The following CAP2 variants were observed in gnomAD, a reference collection of about 807,000 sequenced individuals.
The protein encoded by CAP2 is adenylyl cyclase-associated protein 2.
Under a neutral mutation model 57.7 loss-of-function variants are expected in CAP2, and 24 were observed. The ratio of observed to expected loss-of-function variants is 0.42; its 90% CI spans 0.30 to 0.58. The LOEUF (loss-of-function observed/expected upper bound fraction) is 0.58. Ranked by LOEUF, CAP2 falls within the 20% of genes least tolerant of loss-of-function variation. The probability of loss-of-function intolerance (pLI) is 0.22; values close to 1 mark genes in which losing one functional copy is unlikely to be tolerated. For synonymous variants in CAP2, 194 were observed against 207.2 expected (o/e 0.94, Z 0.55); for missense variants, 501 against 590.3 (o/e 0.85, Z 1.57).
intron 1 of CAP2, among the ~76,000 whole-genome samples, chr6:17,417,500 C>T (rs1284140176): frequency 6.6e-6 from 1 of 152,056 alleles, no homozygotes; most frequent in Non-Finnish European, 1.5e-5. Flanking sequence ...GTCTAGAACT[C>T]TTGGGATCCA....
At chr6:17,480,347 C>T (rs1422815870) in intron 4 of CAP2, among the ~76,000 whole-genome samples, 1 of 152,208 alleles carries the variant, frequency 6.6e-6, no homozygotes, top group African/African-American at 2.4e-5. Context: ...GTCCATCCTT[C>T]TCTTCCTAAT....
At chr6:17,445,526 G>A (rs769221885) in intron 3 of CAP2, among the ~76,000 whole-genome samples, 22 of 152,164 alleles carry the variant, frequency 1.4e-4, no homozygotes, top group Non-Finnish European at 2.4e-4. Context: ...GATAGCGATC[G>A]GGCAAGAAAT....
At chr6:17,453,548 C>G (rs920652634) in intron 3 of CAP2, among the ~76,000 whole-genome samples, 1 of 152,188 alleles carries the variant, frequency 6.6e-6, no homozygotes, top group African/African-American at 2.4e-5. Context: ...GAATCCTTAT[C>G]AAACGGTTAA....
At chr6:17,486,671 C>A (rs981865982) in intron 4 of CAP2, among the ~76,000 whole-genome samples, 1 of 152,070 alleles carries the variant, frequency 6.6e-6, no homozygotes, top group Non-Finnish European at 1.5e-5. Context: ...ATAAGACAAT[C>A]GAGATTATTC....
chr6:17,428,656 G>A (rs1023931519), intron 3 of CAP2, among the ~76,000 whole-genome samples: 1 of 150,924 alleles, frequency 6.6e-6, no homozygotes, highest in African/African-American at 2.4e-5. Context: ...GATAGCATTG[G>A]GAGATATACC....
At chr6:17,475,263 A>G (rs1340735341) in intron 4 of CAP2, among the ~76,000 whole-genome samples, 1 of 151,844 alleles carries the variant, frequency 6.6e-6, no homozygotes, top group African/African-American at 2.4e-5. Context: ...GAACTGAGTG[A>G]AGGAGGGACA....
intron 3 of CAP2, among the ~76,000 whole-genome samples, chr6:17,430,933 A>G (rs1043193532): frequency 5.9e-5 from 9 of 152,216 alleles, no homozygotes; most frequent in African/African-American, 2.2e-4. Context: ...AATAGGAAGC[A>G]ACTGCAAATC....
At chr6:17,511,449 TC>T (rs530491392) in intron 6 of CAP2, among the ~76,000 whole-genome samples, 1,938 of 152,144 alleles carry the variant, frequency 0.013, 23 homozygotes, top group Middle Eastern at 0.02. Context: ...GCTGTTTTTC[TC>T]TTTCTTTTTT....
intron 1 of CAP2, among the ~76,000 whole-genome samples, chr6:17,394,018 G>A (rs1758607707): frequency 6.7e-6 from 1 of 149,448 alleles, no homozygotes; most frequent in African/African-American, 2.4e-5. Context: ...CCCCAGCTCC[G>A]GCGTCCTGGC....
intron 2 of CAP2, among the ~76,000 whole-genome samples, chr6:17,421,936 G>A (rs1397548802): frequency 3.3e-5 from 5 of 152,260 alleles, no homozygotes; most frequent in African/African-American, 1.2e-4. Context: ...AGGCTGGAGT[G>A]CAGTGGTGCA....
intron 1 of CAP2, among the ~76,000 whole-genome samples, chr6:17,406,412 T>TTTTTTTTTTTTTTTTTTC (rs1197104013): frequency 3.0e-5 from 4 of 135,266 alleles, no homozygotes; most frequent in African/African-American, 1.5e-4. Flanking sequence ...TTTTTTTTTT[T>TTTTTTTTTTTTTTTTTTC]TGAGGCAGTC....
chr6:17,521,742 G>T (rs1025155602), intron 7 of CAP2, among the ~76,000 whole-genome samples: 2 of 152,156 alleles, frequency 1.3e-5, no homozygotes, highest in African/African-American at 4.8e-5. Context: ...CCAGGACCAC[G>T]TGGAAGATAC....
At chr6:17,478,182 T>G (rs1046971065) in intron 4 of CAP2, among the ~76,000 whole-genome samples, 1 of 151,384 alleles carries the variant, frequency 6.6e-6, no homozygotes, top group Non-Finnish European at 1.5e-5. Flanking sequence ...TTACCCAAGC[T>G]GGAGTGCAGT....
At chr6:17,532,634 G>C (rs1209519061) in intron 7 of CAP2, among the ~76,000 whole-genome samples, 1 of 151,466 alleles carries the variant, frequency 6.6e-6, no homozygotes, top group African/African-American at 2.4e-5. Context: ...TGTAATCCCA[G>C]CTACTGGGAG....
intron 4 of CAP2, among the ~76,000 whole-genome samples, chr6:17,469,219 T>C (rs1005889399): frequency 6.6e-6 from 1 of 152,256 alleles, no homozygotes; most frequent in East Asian, 1.9e-4. Flanking sequence ...CTCCCACTGA[T>C]GTCCCACCAG....
chr6:17,403,118 T>C (rs192580131), intron 1 of CAP2, among the ~76,000 whole-genome samples: 3 of 152,326 alleles, frequency 2.0e-5, no homozygotes, highest in Admixed American at 2.0e-4. Flanking sequence ...TTATTTTTTA[T>C]TGAGATGGAG....
intron 3 of CAP2, among the ~76,000 whole-genome samples, chr6:17,432,047 G>A (rs112887480): frequency 9.9e-5 from 15 of 152,224 alleles, no homozygotes; most frequent in African/African-American, 3.6e-4. Flanking sequence ...TCCTTCATCT[G>A]AAAGGACCCG....
At chr6:17,514,885 A>T (rs902520406) in intron 7 of CAP2, among the ~76,000 whole-genome samples, 1 of 152,202 alleles carries the variant, frequency 6.6e-6, no homozygotes, top group African/African-American at 2.4e-5. Context: ...GTTTATGAGT[A>T]TTAAGATGAT....
At chr6:17,476,180 A>G (rs909463764) in intron 4 of CAP2, among the ~76,000 whole-genome samples, 2 of 152,224 alleles carry the variant, frequency 1.3e-5, no homozygotes, top group Admixed American at 1.3e-4. Context: ...GATTATTTAA[A>G]ATGGGAAAAT....
Sources: allele counts gnomAD v4.1 joint callset (sites outside exome capture counted in the v4.1 genomes callset), GRCh38; gene constraint gnomAD v4.1.1; transcripts MANE v1.5; gene names NCBI Gene and HGNC (gene_info 2026-07-23, HGNC 2026-07-21).